ZNF217: variants seen among roughly 807,000 people sequenced by gnomAD.
ZNF217 encodes zinc finger protein 217.
Under a neutral mutation model 73.3 loss-of-function variants are expected in ZNF217, and 12 were observed. The observed-to-expected ratio is 0.16, with a 90% CI of 0.10 to 0.27. The LOEUF (loss-of-function observed/expected upper bound fraction) is 0.27, where lower values mean the gene tolerates loss of function less well. Among genes scored for constraint, ZNF217 ranks in the 10% least tolerant of loss-of-function variants. The probability of loss-of-function intolerance (pLI) is 1.00; values close to 1 mark genes in which losing one functional copy is unlikely to be tolerated. For missense variants in ZNF217, 1,195 were observed against 1,327.8 expected (o/e 0.90, Z 1.55); for synonymous variants, 588 against 516.4 (o/e 1.14, Z -1.88).
rs933775733 is a variant in ZNF217, at chr20:53,568,461, C to G, written c.*827G>C. The G allele has an allele frequency of 1.3e-5, 2 of 152,166 alleles. No individual in the cohort carries two copies. The highest frequency in any genetic ancestry group is 1.3e-4 in the Admixed American group (2 of 15,268). The allele number at this position is 152,166 out of a possible 1,614,324, so 9.4% of individuals were successfully genotyped here. A position where few individuals can be genotyped will look rare whatever the true frequency, so the allele number is the denominator to read the frequency against. ...TTTATGTTTATACAACGTGTGGCTG[C>G]TCTACAGAGAAAATGCTTGTCTGTA... is the stretch of plus-strand genomic sequence containing the variant. On this transcript the variant is annotated 3_prime_UTR_variant, in exon 6 of 6. Coordinates refer to ENST00000371471, the MANE Select transcript of ZNF217 (RefSeq NM_006526.3).
chr20:53,594,755 G>A (rs1989010167), upstream of ZNF217, among the ~76,000 whole-genome samples: 1 of 152,142 alleles, frequency 6.6e-6, no homozygotes, highest in South Asian at 2.1e-4. Context: ...CGAACCCCTG[G>A]GTCACCCCGA....
chr20:53,570,372 T>C (rs1987941085), intron 5 of ZNF217: 1 of 153,088 alleles, frequency 6.5e-6, no homozygotes, highest in Non-Finnish European at 1.5e-5. Context: ...AGAAATTCTG[T>C]CCTGGACCAC....
At chr20:53,586,841 G>T (rs1460221532) in intron 1 of ZNF217, among the ~76,000 whole-genome samples, 1 of 152,174 alleles carries the variant, frequency 6.6e-6, no homozygotes, top group East Asian at 1.9e-4. Context: ...GCACACAGAA[G>T]GCAGCAGTAA....
chr20:53,571,576 G>A lies in ZNF217; in HGVS notation c.*23+145C>T, dbSNP rs1988005965. Reference sequence around the variant, plus strand: ...CCCGCCACCACGCCCAGCTAAATTTGTGTATTTTTAGTACAGACAGGGGTT... The same window carrying A: ...CCCGCCACCACGCCCAGCTAAATTTATGTATTTTTAGTACAGACAGGGGTT... On this transcript the variant is annotated intron_variant, in intron 5 of 5. Transcript: ENST00000371471. The A allele has an allele frequency of 5.7e-6, 6 of 1,052,446 alleles. No homozygotes were observed. In the South Asian group the frequency reaches 7.8e-5, roughly 14 times the overall value. 65.2% of individuals were successfully genotyped at this position (1,052,446 alleles called of 1,614,324 possible).
At chr20:53,574,073 A>G (rs1314552107) in intron 4 of ZNF217, among the ~76,000 whole-genome samples, 3 of 151,854 alleles carry the variant, frequency 2.0e-5, no homozygotes, top group Non-Finnish European at 2.9e-5. Context: ...CCATCTCAAA[A>G]AAAAAAAAAA....
At chr20:53,586,288 CACTA>C (rs1345667311) in intron 1 of ZNF217, among the ~76,000 whole-genome samples, 1 of 152,146 alleles carries the variant, frequency 6.6e-6, no homozygotes, top group African/African-American at 2.4e-5. Flanking sequence ...TGGCCACAGT[CACTA>C]ACCGTAACTG....
chr20:53,590,390 C>T (rs1174683121), intron 1 of ZNF217, among the ~76,000 whole-genome samples: 1 of 152,020 alleles, frequency 6.6e-6, no homozygotes, highest in Admixed American at 6.6e-5. Context: ...GCCATATGGG[C>T]ATACAGGAGA....
At chr20:53,589,313 T>C (rs1988802723) in intron 1 of ZNF217, among the ~76,000 whole-genome samples, 1 of 152,224 alleles carries the variant, frequency 6.6e-6, no homozygotes, top group Admixed American at 6.5e-5. Flanking sequence ...TCAGCTGTCT[T>C]TTCAGGTTTA....
intron 2 of ZNF217, 118 bp from the exon 3 acceptor site, chr20:53,578,568 T>A (rs1345785683): frequency 1.6e-6 from 1 of 635,422 alleles, no homozygotes; most frequent in East Asian, 2.9e-5. Flanking sequence ...AATTCTTTTA[T>A]ATAACATCGG....
At position 53,582,362 on chromosome 20, in the gene ZNF217, A is replaced by G. The variant is rs762028313; in HGVS notation, c.465T>C (p.Thr155=). 6.5e-7 allele frequency: 1 copy of G among 1,528,916 alleles called. No individual in the cohort carries two copies. The highest frequency in any genetic ancestry group is 1.1e-5 in the South Asian group (1 of 89,458). The allele number at this position is 1,528,916 out of a possible 1,614,324, so 94.7% of individuals were successfully genotyped here. A position where few individuals can be genotyped will look rare whatever the true frequency, so the allele number is the denominator to read the frequency against. ...TTCTTCCGCACATGTTACACCCGTA[A>G]GTGAAAGAATCTTTGTGTGTTCTCA... The part of the protein sequence containing the change: ...IHMRTHKDSF[T]YGCNMCGRRF... The change falls in exon 2 of 6, where the codon ACT becomes ACC. Residue 155 remains threonine (T), a synonymous_variant. Transcript: ENST00000371471. This position sits in a 1 kb window ranked among gnomAD's most constrained non-coding sequence, Gnocchi z 4.8.
At chr20:53,592,771 A>G (rs1988926017) in intron 1 of ZNF217, among the ~76,000 whole-genome samples, 1 of 150,750 alleles carries the variant, frequency 6.6e-6, no homozygotes, top group South Asian at 2.1e-4. Flanking sequence ...AAATCGAGAG[A>G]CAAGAGGGCT....
intron 1 of ZNF217, among the ~76,000 whole-genome samples, chr20:53,592,857 G>T (rs947193645): frequency 7.0e-6 from 1 of 143,504 alleles, no homozygotes; most frequent in Non-Finnish European, 1.5e-5. Flanking sequence ...AAAAAGAAAA[G>T]AAAAAAAAAA....
rs1988460481 is a variant in ZNF217, at chr20:53,581,022, T to C, written c.1366+439A>G. Among the ~76,000 whole-genome samples, 1 of 152,194 alleles carries C rather than the reference T, an allele frequency of 6.6e-6. No homozygotes were observed. Among genetic ancestry groups the C allele is most frequent in the Admixed American group, 6.5e-5 (1 of 15,282 alleles). On this transcript the variant is annotated intron_variant, in intron 2 of 5. Coordinates refer to ENST00000371471, the MANE Select transcript of ZNF217 (RefSeq NM_006526.3). This position sits in a 1 kb window ranked among gnomAD's most constrained non-coding sequence, Gnocchi z 4.9. Reference sequence around the variant, plus strand: ...ACTGTACCATGCTGAGCAGTGTCCCTGGCCTCTGCCCACTGGATGCCAGCA... The same window carrying C: ...ACTGTACCATGCTGAGCAGTGTCCCCGGCCTCTGCCCACTGGATGCCAGCA...
rs1055768073 is a variant in ZNF217, at chr20:53,582,200, C to G, written c.627G>C (p.Glu209Asp). The G allele has an allele frequency of 5.6e-6, 9 of 1,613,946 alleles. No individual in the cohort carries two copies. Among genetic ancestry groups the G allele is most frequent in the African/African-American group, 1.3e-5 (1 of 74,920 alleles). The change falls in exon 2 of 6, where the codon GAG (glutamate) becomes GAC (aspartate). Residue 209 changes from glutamate to aspartate, a missense_variant. Glu to Asp is a conservative substitution (Grantham distance 45). This residue lies in a region of ZNF217 where 126 missense variants were observed against 114.4 expected (regional missense o/e 1.10). Coordinates refer to ENST00000371471, the MANE Select transcript of ZNF217 (RefSeq NM_006526.3). The surrounding 1 kb of genome is among the most constrained non-coding windows in gnomAD (Gnocchi z 4.8). ...AGATTTTGTAAGGAGAGGAGATGCTCTCGGCCGCGTGCACCTGGACGACCT... is the reference window on the plus strand; with the variant it reads ...AGATTTTGTAAGGAGAGGAGATGCTGTCGGCCGCGTGCACCTGGACGACCT... ...INEVVQVHAAESISSPYKICM... is the reference protein window; with the variant it reads ...INEVVQVHAADSISSPYKICM...
intron 3 of ZNF217, among the ~76,000 whole-genome samples, 167 bp from the exon 4 acceptor site, chr20:53,577,447 TTGAAATTATGAATGCCTATC>T (rs1988326205): frequency 6.6e-6 from 1 of 152,240 alleles, no homozygotes; most frequent in Non-Finnish European, 1.5e-5. Flanking sequence ...TAATGAATAT[TTGAAATTATGAATGCCTATC>T]TTCAATAGAA....
chr20:53,584,770 C>G (rs567160400), intron 1 of ZNF217, among the ~76,000 whole-genome samples: 6 of 152,290 alleles, frequency 3.9e-5, no homozygotes, highest in Admixed American at 3.9e-4. Flanking sequence ...CTCTGCTAAT[C>G]AGAATGTGAA....
intron 1 of ZNF217, among the ~76,000 whole-genome samples, chr20:53,591,672 A>T (rs929304471): frequency 1.4e-4 from 21 of 152,356 alleles, no homozygotes; most frequent in African/African-American, 4.8e-4. Flanking sequence ...CATTAAGGAC[A>T]CACCTTAAAA....
chr20:53,583,815 T>C (rs1260330845), intron 1 of ZNF217, among the ~76,000 whole-genome samples: 2 of 152,258 alleles, frequency 1.3e-5, no homozygotes, highest in Middle Eastern at 6.3e-3. Context: ...TATATTTTGG[T>C]TCACTGGATA....
In ZNF217 at chr20:53,583,162, C is replaced by G. The variant is rs557281379; in HGVS notation, c.-336G>C. On this transcript the variant is annotated 5_prime_UTR_variant, in exon 2 of 6. Transcript: ENST00000371471. The stretch of plus-strand genomic sequence containing the variant: ...CCAGCAACCTGGAGACAAGGGATTT[C>G]CAAACCCTAGAGGAAAAAAAACAGA... 2 of 411,580 alleles carry G rather than the reference C, an allele frequency of 4.9e-6. No homozygotes were observed. The highest frequency in any genetic ancestry group is 2.0e-5 in the African/African-American group (1 of 48,794). 25.5% of individuals were successfully genotyped at this position (411,580 alleles called of 1,614,324 possible).
Sources: allele counts gnomAD v4.1 joint callset (sites outside exome capture counted in the v4.1 genomes callset), GRCh38; gene constraint gnomAD v4.1.1; regional missense constraint gnomAD v4.1.1; non-coding constraint Gnocchi (gnomAD v3.1); transcripts MANE v1.5; gene names NCBI Gene and HGNC (gene_info 2026-07-23, HGNC 2026-07-21).